Variants in NEDD4 observed in about 807,000 individuals in gnomAD.
The protein encoded by NEDD4 is NEDD4 E3 ubiquitin protein ligase.
Under a neutral mutation model 144.9 loss-of-function variants are expected in NEDD4, and 99 were observed. That is an observed-to-expected ratio of 0.68 (90% CI 0.58 to 0.81). The LOEUF is 0.81. Ranked by LOEUF, NEDD4 falls within the 30% of genes least tolerant of loss-of-function variation. The pLI, the probability that NEDD4 is intolerant of heterozygous loss-of-function variation, is 0.00. For missense variants in NEDD4, 985 were observed against 1,065.9 expected, an observed-to-expected ratio of 0.92 and a Z score of 1.06; for synonymous variants, 318 against 350.6, an observed-to-expected ratio of 0.91 and a Z score of 1.04.
intron 8 of NEDD4, among the ~76,000 whole-genome samples, chr15:55,865,360 GAAT>G (rs1285875936): frequency 1.3e-5 from 2 of 152,036 alleles, no homozygotes; most frequent in Non-Finnish European, 2.9e-5. Context: ...GTTACAGACT[GAAT>G]AATATCTAAA....
At chr15:55,988,569 A>G (rs2037936474) in intron 1 of NEDD4, among the ~76,000 whole-genome samples, 1 of 151,994 alleles carries the variant, frequency 6.6e-6, no homozygotes. Context: ...TAAAAGCAAT[A>G]TATGTTCCCA....
intron 5 of NEDD4, among the ~76,000 whole-genome samples, chr15:55,899,392 AAC>A (rs2035840228): frequency 6.6e-6 from 1 of 152,210 alleles, no homozygotes; most frequent in Non-Finnish European, 1.5e-5. Context: ...CTGATCTATA[AAC>A]AGTTTTTAAG....
Position 55,849,526 on chromosome 15 carries a change from A to G in NEDD4, c.1348-640T>C, listed in dbSNP as rs143032795. Among the ~76,000 whole-genome samples the G allele has an allele frequency of 9.4e-4, 143 of 152,142 alleles. 1 individual carries two copies. Among genetic ancestry groups the G allele is most frequent in the African/African-American group, 3.4e-3 (140 of 41,520 alleles). On this transcript the variant is annotated intron_variant, in intron 14 of 28. Transcript: ENST00000435532. ...TGTGCCTGGCCCTGGACCACATGAT[A>G]TTTCTAAGCCCCAGAACATGCATTT...
intron 1 of NEDD4, among the ~76,000 whole-genome samples, chr15:55,986,580 C>CTTTT (rs58470215): frequency 0.012 from 933 of 76,496 alleles, 1 homozygote; most frequent in Non-Finnish European, 0.016. Context: ...CCTGTCCTTG[C>CTTTT]TTTTTTTTTT....
chr15:55,842,606 A>G (rs1280116097), intron 18 of NEDD4, among the ~76,000 whole-genome samples: 1 of 152,078 alleles, frequency 6.6e-6, no homozygotes, highest in Non-Finnish European at 1.5e-5. Context: ...TCAAACTCCT[A>G]AGCTCTAGCA....
intron 4 of NEDD4, among the ~76,000 whole-genome samples, chr15:55,929,337 TAAA>T (rs1164979365): frequency 6.6e-6 from 1 of 152,218 alleles, no homozygotes; most frequent in Non-Finnish European, 1.5e-5. Context: ...TTTCCTTTTT[TAAA>T]AAAATTTATT....
chr15:55,963,138 T>A (rs1383094110), intron 2 of NEDD4, among the ~76,000 whole-genome samples: 1 of 148,996 alleles, frequency 6.7e-6, no homozygotes, highest in Non-Finnish European at 1.5e-5. Flanking sequence ...CTTTTTTATT[T>A]TTTTTTTTTT....
chr15:55,865,024 C>T (rs2034537200), intron 8 of NEDD4, among the ~76,000 whole-genome samples: 1 of 151,574 alleles, frequency 6.6e-6, no homozygotes, highest in African/African-American at 2.4e-5. Flanking sequence ...ATGGTGAAAC[C>T]CCATCTCTAC....
chr15:55,921,160 G>A (rs1415873856), intron 5 of NEDD4, among the ~76,000 whole-genome samples: 1 of 152,068 alleles, frequency 6.6e-6, no homozygotes, highest in African/African-American at 2.4e-5. Flanking sequence ...CTCACAATAT[G>A]CTTATGAGAT....
intron 19 of NEDD4, 62 bp downstream of exon 19, chr15:55,841,872 A>G (rs2033524441): frequency 1.4e-6 from 2 of 1,443,046 alleles, no homozygotes; most frequent in African/African-American, 2.8e-5. Flanking sequence ...CACCCGGCCG[A>G]CTCTTACTTT....
chr15:55,860,723 A>G lies in NEDD4; in HGVS notation c.730T>C (p.Phe244Leu). Reference sequence around the variant, plus strand: ...TCGGATATCTGCCGCCTGGTGGTAAATGCACGTTGTGCTTGCAGTTGAATG... The same window carrying G: ...TCGGATATCTGCCGCCTGGTGGTAAGTGCACGTTGTGCTTGCAGTTGAATG... ...GNIQLQAQRA[F>L]TTRRQISEET... The change falls in exon 10 of 29, where the codon TTT (phenylalanine) becomes CTT (leucine). Residue 244 changes from phenylalanine to leucine, a missense_variant. Transcript: ENST00000435532. 6 of 1,614,192 alleles carry G rather than the reference A, an allele frequency of 3.7e-6. No homozygotes were observed. Among genetic ancestry groups the G allele is most frequent in the Non-Finnish European group, 5.1e-6 (6 of 1,180,018 alleles).
intron 5 of NEDD4, among the ~76,000 whole-genome samples, chr15:55,878,268 TAATA>T (rs1406360911): frequency 2.6e-5 from 4 of 152,030 alleles, no homozygotes; most frequent in Non-Finnish European, 5.9e-5. Context: ...CATTTCATAA[TAATA>T]AAGAGATCAA....
chr15:55,983,309 C>CGCGCGCGT (rs1173772934), intron 1 of NEDD4, among the ~76,000 whole-genome samples: 2 of 152,076 alleles, frequency 1.3e-5, no homozygotes, highest in African/African-American at 4.8e-5. Flanking sequence ...TGCGTGCGCG[C>CGCGCGCGT]GCGTGCGTGC....
intron 8 of NEDD4, among the ~76,000 whole-genome samples, chr15:55,865,916 G>T (rs1047157438): frequency 6.7e-6 from 1 of 149,886 alleles, no homozygotes; most frequent in Non-Finnish European, 1.5e-5. Context: ...GGGAGAAAAG[G>T]TCTGGAGGGG....
chr15:55,870,963 T>C (rs1185545658), intron 7 of NEDD4, among the ~76,000 whole-genome samples: 1 of 152,226 alleles, frequency 6.6e-6, no homozygotes, highest in Non-Finnish European at 1.5e-5. Context: ...ATGTAGCAAT[T>C]ACCCTTTGTC....
rs546642962 is a variant in NEDD4 at position 55,923,659 on chromosome 15, A to AAAAAATATAT, written c.291+986_291+987insATATATTTTT. Among the ~76,000 whole-genome samples the AAAAAATATAT allele has an allele frequency of 7.3e-3, 991 of 135,162 alleles. 19 individuals carry two copies. Among genetic ancestry groups the AAAAAATATAT allele is most frequent in the African/African-American group, 0.026 (939 of 35,840 alleles). 88.7% of individuals were successfully genotyped at this position (135,162 alleles called of 152,430 possible). A position where few individuals can be genotyped will look rare whatever the true frequency, so the allele number is the denominator to read the frequency against. ...AGACTCCATCTCAAAAAAAAAAAAA[A>AAAAAATATAT]ATATATATATATATAGCAAGTCAGT... On this transcript the variant is annotated intron_variant, in intron 5 of 28. Coordinates refer to ENST00000435532, the MANE Select transcript of NEDD4 (RefSeq NM_006154.4).
chr15:55,842,802 T>C (rs1031812121), intron 18 of NEDD4, among the ~76,000 whole-genome samples: 1 of 152,232 alleles, frequency 6.6e-6, no homozygotes, highest in Admixed American at 6.5e-5. Flanking sequence ...TGCTAGCTGT[T>C]GTGCCTGTCT....
At chr15:55,864,012 A>G (rs2034499820) in intron 8 of NEDD4, among the ~76,000 whole-genome samples, 1 of 152,224 alleles carries the variant, frequency 6.6e-6, no homozygotes, top group African/African-American at 2.4e-5. Context: ...AAGATTTTTA[A>G]AAAATGCACT....
At chr15:55,936,127 C>T (rs1476162932) in intron 4 of NEDD4, among the ~76,000 whole-genome samples, 1 of 152,164 alleles carries the variant, frequency 6.6e-6, no homozygotes, top group African/African-American at 2.4e-5. Flanking sequence ...CTAAATGATA[C>T]ACTTTGTCAG....
Sources: gnomAD v4.1 joint callset for allele counts (sites outside exome capture counted in the v4.1 genomes callset) on GRCh38, gnomAD v4.1.1 for gene constraint, MANE v1.5 for transcripts, NCBI Gene and HGNC (gene_info 2026-07-23, HGNC 2026-07-21) for gene names.